The following ALCAM variants were observed in gnomAD, a reference collection of about 807,000 sequenced individuals.
The protein encoded by ALCAM is CD166 antigen.
ALCAM carries 30 observed loss-of-function variants against 70.9 expected under a neutral mutation model. The observed-to-expected ratio is 0.42, with a 90% CI of 0.32 to 0.57. The LOEUF is 0.57. ALCAM is among the 20% of genes least tolerant of loss of function. The probability of loss-of-function intolerance (pLI) is 0.11; values close to 1 mark genes in which losing one functional copy is unlikely to be tolerated. For missense variants in ALCAM, 591 were observed against 695.1 expected, an observed-to-expected ratio of 0.85 and a Z score of 1.68; for synonymous variants, 249 against 242.5, an observed-to-expected ratio of 1.03 and a Z score of -0.25.
intron 1 of ALCAM, among the ~76,000 whole-genome samples, chr3:105,429,359 C>A (rs1936870870): frequency 6.6e-6 from 1 of 151,910 alleles, no homozygotes; most frequent in Admixed American, 6.6e-5. Flanking sequence ...TCTTTTAGAC[C>A]TGCTTACCAA....
chr3:105,512,027 A>G (rs1242121926), intron 1 of ALCAM, among the ~76,000 whole-genome samples: 1 of 152,038 alleles, frequency 6.6e-6, no homozygotes, highest in Admixed American at 6.6e-5. Context: ...GCTATTATTA[A>G]CAGATGCTTT....
chr3:105,431,975 T>C (rs1383876605), intron 1 of ALCAM, among the ~76,000 whole-genome samples: 1 of 152,160 alleles, frequency 6.6e-6, no homozygotes, highest in African/African-American at 2.4e-5. Flanking sequence ...AATGAAGATT[T>C]CATGCAGCAA....
chr3:105,428,138 A>T (rs1936837701), intron 1 of ALCAM, among the ~76,000 whole-genome samples: 1 of 152,016 alleles, frequency 6.6e-6, no homozygotes, highest in Non-Finnish European at 1.5e-5. Context: ...CTACTCTCAT[A>T]TCCTGTGTAA....
chr3:105,525,956 A>AT (rs1307214633), intron 3 of ALCAM, among the ~76,000 whole-genome samples: 2 of 152,106 alleles, frequency 1.3e-5, no homozygotes, highest in Non-Finnish European at 1.5e-5. Flanking sequence ...TGGCCCATGT[A>AT]TTTTTTTCTT....
intron 2 of ALCAM, among the ~76,000 whole-genome samples, chr3:105,520,697 T>G (rs1180569918): frequency 3.9e-5 from 6 of 152,170 alleles, no homozygotes; most frequent in Admixed American, 2.0e-4. Flanking sequence ...TTCTTGCAGA[T>G]AGTAAAATCA....
chr3:105,371,933 C>T (rs182571663), intron 1 of ALCAM, among the ~76,000 whole-genome samples: 1 of 152,156 alleles, frequency 6.6e-6, no homozygotes, highest in African/African-American at 2.4e-5. Flanking sequence ...AGAGGCTAAT[C>T]TCATTTCTTA....
At chr3:105,384,740 A>G (rs532360973) in intron 1 of ALCAM, among the ~76,000 whole-genome samples, 1 of 151,564 alleles carries the variant, frequency 6.6e-6, no homozygotes, top group Non-Finnish European at 1.5e-5. Flanking sequence ...AGAATGGCTA[A>G]TATATTTGTA....
At chr3:105,459,641 CAT>C (rs1937577086) in intron 1 of ALCAM, among the ~76,000 whole-genome samples, 1 of 151,984 alleles carries the variant, frequency 6.6e-6, no homozygotes, top group African/African-American at 2.4e-5. Context: ...AGTTATTACT[CAT>C]GTGATACCTA....
chr3:105,567,553 G>A (rs1940770848), intron 14 of ALCAM, among the ~76,000 whole-genome samples: 1 of 151,496 alleles, frequency 6.6e-6, no homozygotes, highest in Non-Finnish European at 1.5e-5. Flanking sequence ...ATGCTTTCTT[G>A]TGCCACCTCT....
intron 1 of ALCAM, among the ~76,000 whole-genome samples, chr3:105,408,742 C>G (rs1172150556): frequency 6.6e-6 from 1 of 152,024 alleles, no homozygotes; most frequent in Non-Finnish European, 1.5e-5. Context: ...GCAAAAGGAA[C>G]AGTCAGCAGA....
At chr3:105,450,716 T>A (rs982592117) in intron 1 of ALCAM, among the ~76,000 whole-genome samples, 3 of 152,166 alleles carry the variant, frequency 2.0e-5, no homozygotes, top group Non-Finnish European at 4.4e-5. Context: ...ATGGTGAATA[T>A]GTATTTTGGT....
At chr3:105,448,255 C>T (rs900925522) in intron 1 of ALCAM, among the ~76,000 whole-genome samples, 2 of 152,170 alleles carry the variant, frequency 1.3e-5, no homozygotes, top group East Asian at 3.9e-4. Flanking sequence ...ACCACATTTC[C>T]ACCTTTTATA....
At chr3:105,553,161 G>A in intron 14 of ALCAM, 1 of 902,832 alleles carries the variant, frequency 1.1e-6, no homozygotes, top group Non-Finnish European at 1.3e-6. Context: ...AAATGCTTTA[G>A]AGATGTTAAA....
chr3:105,404,713 G>C (rs1028943815), intron 1 of ALCAM, among the ~76,000 whole-genome samples: 7 of 150,534 alleles, frequency 4.7e-5, no homozygotes, highest in Admixed American at 4.6e-4. Flanking sequence ...AAAATAGCAC[G>C]ATGAATAGAA....
intron 1 of ALCAM, among the ~76,000 whole-genome samples, chr3:105,389,203 T>C (rs1432772319): frequency 1.3e-5 from 2 of 151,428 alleles, no homozygotes; most frequent in Non-Finnish European, 3.0e-5. Context: ...ATTTCTGTTA[T>C]GTAGAAAATT....
At chr3:105,432,228 T>C in intron 1 of ALCAM, among the ~76,000 whole-genome samples, 1 of 152,158 alleles carries the variant, frequency 6.6e-6, no homozygotes, top group East Asian at 1.9e-4. Context: ...TTGTTTAAAT[T>C]AAGCTTTAAG....
chr3:105,368,247 G>GAGAGAGAGAGAGAGAGAGAT (rs1559767042), intron 1 of ALCAM, among the ~76,000 whole-genome samples: 1 of 150,674 alleles, frequency 6.6e-6, no homozygotes, highest in Non-Finnish European at 1.5e-5. Flanking sequence ...GAGAGAGAGA[G>GAGAGAGAGAGAGAGAGAGAT]AGAGAGAGAG....
intron 1 of ALCAM, among the ~76,000 whole-genome samples, chr3:105,385,734 G>A (rs1935635713): frequency 6.6e-6 from 1 of 151,634 alleles, no homozygotes; most frequent in Non-Finnish European, 1.5e-5. Flanking sequence ...AACAGCAGAT[G>A]TGAATTTATG....
At chr3:105,435,829 C>T (rs897055540) in intron 1 of ALCAM, among the ~76,000 whole-genome samples, 7 of 151,832 alleles carry the variant, frequency 4.6e-5, no homozygotes, top group Non-Finnish European at 7.4e-5. Context: ...CTCGCTCTGT[C>T]GCCCAGGCTG....
Sources: allele counts gnomAD v4.1 joint callset (sites outside exome capture counted in the v4.1 genomes callset), GRCh38; gene constraint gnomAD v4.1.1; transcripts MANE v1.5; gene names NCBI Gene and HGNC (gene_info 2026-07-23, HGNC 2026-07-21).